CNTN1: variants seen among roughly 807,000 people sequenced by gnomAD.
CNTN1 encodes the protein contactin-1.
A neutral mutation model predicts 126.4 loss-of-function variants in CNTN1; 38 were observed. The ratio of observed to expected loss-of-function variants is 0.30; its 90% CI spans 0.23 to 0.39. CNTN1 has a LOEUF of 0.39. Ranked by LOEUF, CNTN1 falls within the 10% of genes least tolerant of loss-of-function variation. The probability of loss-of-function intolerance (pLI) is 1.00; values close to 1 mark genes in which losing one functional copy is unlikely to be tolerated. For synonymous variants in CNTN1, 413 were observed against 422.6 expected (o/e 0.98, Z 0.28); for missense variants, 1,009 against 1,248.4 (o/e 0.81, Z 2.89).
chr12:40,834,062 T>G (rs1255161730), intron 1 of CNTN1, among the ~76,000 whole-genome samples: 1 of 152,252 alleles, frequency 6.6e-6, no homozygotes, highest in Admixed American at 6.5e-5. Context: ...AAGGAGAGAT[T>G]GTTAATCAGT....
At chr12:40,694,679 C>A (rs1448004363) in intron 1 of CNTN1, among the ~76,000 whole-genome samples, 2 of 152,178 alleles carry the variant, frequency 1.3e-5, no homozygotes, top group Non-Finnish European at 2.9e-5. Flanking sequence ...TCTAACTTGC[C>A]AAGTCATTTT....
chr12:40,973,047 G>A (rs1180459094), intron 15 of CNTN1, among the ~76,000 whole-genome samples: 1 of 152,014 alleles, frequency 6.6e-6, no homozygotes, highest in Admixed American at 6.6e-5. Context: ...TAGGACAGAT[G>A]TGACTTGTAC....
intron 9 of CNTN1, among the ~76,000 whole-genome samples, chr12:40,934,175 C>T (rs1945997882): frequency 1.3e-5 from 2 of 151,900 alleles, no homozygotes; most frequent in Non-Finnish European, 2.9e-5. Flanking sequence ...TTATCACTGT[C>T]TTTTTTCAGT....
intron 23 of CNTN1, among the ~76,000 whole-genome samples, chr12:41,055,229 T>C (rs748561713): frequency 6.6e-6 from 1 of 152,134 alleles, no homozygotes; most frequent in Non-Finnish European, 1.5e-5. Flanking sequence ...TTTACATTAA[T>C]TTAGAGTATT....
At chr12:40,968,334 C>T (rs778079933) in intron 15 of CNTN1, among the ~76,000 whole-genome samples, 4 of 152,014 alleles carry the variant, frequency 2.6e-5, no homozygotes, top group Non-Finnish European at 5.9e-5. Context: ...ACTGATCTTG[C>T]TATTTTATTT....
intron 19 of CNTN1, among the ~76,000 whole-genome samples, chr12:41,019,757 T>C (rs1336820483): frequency 6.6e-6 from 1 of 152,208 alleles, no homozygotes. Context: ...TCAAAGGCTC[T>C]TAAAAATTTT....
intron 1 of CNTN1, among the ~76,000 whole-genome samples, chr12:40,704,623 C>T (rs1265942565): frequency 6.6e-6 from 1 of 152,120 alleles, no homozygotes; most frequent in Non-Finnish European, 1.5e-5. Context: ...TACTACCTTG[C>T]TTATTTTTAT....
chr12:41,019,386 G>A (rs1043679259), intron 19 of CNTN1, among the ~76,000 whole-genome samples: 1 of 151,998 alleles, frequency 6.6e-6, no homozygotes, highest in African/African-American at 2.4e-5. Flanking sequence ...AATATTTCAT[G>A]AGTCTCATAA....
At chr12:40,819,597 G>A (rs1428914443) in intron 1 of CNTN1, among the ~76,000 whole-genome samples, 1 of 152,176 alleles carries the variant, frequency 6.6e-6, no homozygotes, top group African/African-American at 2.4e-5. Context: ...CGCCCAGGGA[G>A]CTTAGCATGT....
intron 1 of CNTN1, chr12:40,763,214 TC>T (rs1938937232): frequency 6.6e-6 from 1 of 152,240 alleles, no homozygotes; most frequent in Admixed American, 6.5e-5. Flanking sequence ...CCAAATAAAC[TC>T]CTTCTCTTTA....
At chr12:41,034,323 A>G (rs970003762) in intron 23 of CNTN1, among the ~76,000 whole-genome samples, 2 of 152,214 alleles carry the variant, frequency 1.3e-5, no homozygotes, top group African/African-American at 4.8e-5. Context: ...TGACTTAAAC[A>G]CTGTGATGGA....
chr12:40,775,373 G>T (rs1182677604), intron 1 of CNTN1, among the ~76,000 whole-genome samples: 1 of 151,122 alleles, frequency 6.6e-6, no homozygotes, highest in African/African-American at 2.4e-5. Flanking sequence ...AAATTTTTAG[G>T]TATGAGATAT....
chr12:40,912,634 T>TA lies in CNTN1; in HGVS notation c.94+2540dup, dbSNP rs545477676. 5.3e-3 allele frequency among the ~76,000 whole-genome samples: 783 copies of TA among 147,422 alleles called. 5 individuals are homozygous for TA. The highest frequency in any genetic ancestry group is 0.014 in the Middle Eastern group (4 of 280). Reference sequence around the variant, plus strand: ...CTGTATAATATCCAAAGCTAATATTTAAAAAAAAAAACTATCTTCATTGCT... The same window carrying TA: ...CTGTATAATATCCAAAGCTAATATTTAAAAAAAAAAAACTATCTTCATTGCT... On this transcript the variant is annotated intron_variant, in intron 3 of 23. Transcript: ENST00000551295.
intron 20 of CNTN1, among the ~76,000 whole-genome samples, chr12:41,021,701 T>A (rs1270726662): frequency 2.7e-5 from 4 of 149,500 alleles, no homozygotes; most frequent in Non-Finnish European, 5.9e-5. Context: ...CCTCAGATCA[T>A]CTATGCAAGG....
chr12:40,819,796 G>A (rs1486217405), intron 1 of CNTN1, among the ~76,000 whole-genome samples: 5 of 152,208 alleles, frequency 3.3e-5, no homozygotes, highest in African/African-American at 1.2e-4. Context: ...CTCTGGTGGT[G>A]TGGGTTCACA....
At chr12:40,862,208 T>TACACACACACAC (rs145686900) in intron 1 of CNTN1, among the ~76,000 whole-genome samples, 6,179 of 147,292 alleles carry the variant, frequency 0.042, 129 homozygotes, top group Middle Eastern at 0.086. Context: ...TGTCTCTTAA[T>TACACACACACAC]ACACACACAC....
At chr12:40,802,687 G>A (rs1940701837) in intron 1 of CNTN1, among the ~76,000 whole-genome samples, 1 of 151,998 alleles carries the variant, frequency 6.6e-6, no homozygotes, top group East Asian at 1.9e-4. Flanking sequence ...TGTTTGATGA[G>A]AAGGATGAAC....
At chr12:40,829,204 G>C (rs1941724152) in intron 1 of CNTN1, among the ~76,000 whole-genome samples, 1 of 151,946 alleles carries the variant, frequency 6.6e-6, no homozygotes, top group South Asian at 2.1e-4. Flanking sequence ...AGAGACACTA[G>C]ATAAGTAAAA....
chr12:40,881,943 G>C (rs1267637243), intron 1 of CNTN1, among the ~76,000 whole-genome samples: 11 of 151,726 alleles, frequency 7.2e-5, no homozygotes, highest in Non-Finnish European at 1.5e-4. Context: ...TATATGTTTA[G>C]TGATTTAATA....
Sources: gnomAD v4.1 joint callset for allele counts (sites outside exome capture counted in the v4.1 genomes callset) on GRCh38, gnomAD v4.1.1 for gene constraint, MANE v1.5 for transcripts, NCBI Gene and HGNC (gene_info 2026-07-23, HGNC 2026-07-21) for gene names.